The following RAB1A variants were observed in gnomAD, a reference collection of about 807,000 sequenced individuals.
RAB1A encodes the protein RAB1A, member RAS oncogene family.
Under a neutral mutation model 26.0 loss-of-function variants are expected in RAB1A, and 2 were observed. The observed-to-expected ratio is 0.08, with a 90% CI of 0.03 to 0.24. The LOEUF (loss-of-function observed/expected upper bound fraction) is 0.24. RAB1A is among the 10% of genes least tolerant of loss of function. The pLI is 1.00. For missense variants in RAB1A, 100 were observed against 247.0 expected, an observed-to-expected ratio of 0.40 and a Z score of 3.99; for synonymous variants, 84 against 84.9, an observed-to-expected ratio of 0.99 and a Z score of 0.06.
chr2:65,120,067 T>C (rs1172263051), intron 1 of RAB1A, among the ~76,000 whole-genome samples: 3 of 152,008 alleles, frequency 2.0e-5, no homozygotes, highest in Non-Finnish European at 2.9e-5. Flanking sequence ...TTTCACAAAA[T>C]TGTTTCAAAT....
chr2:65,109,176 T>A (rs934103791), intron 1 of RAB1A, among the ~76,000 whole-genome samples: 2 of 152,204 alleles, frequency 1.3e-5, no homozygotes, highest in African/African-American at 2.4e-5. Context: ...AAAACGTTTT[T>A]ATAATTTACA....
At position 65,104,782 on chromosome 2, in the gene RAB1A, C is replaced by A. The variant is rs768150074; in HGVS notation, c.48G>T (p.Leu16=). ...PEYDYLFKLL[L]IGDSGVGKSC... ...ACTTTCCAACCCCTGAGTCGCCAAT[C>A]AGAAGTAACTTGAATAAATAATCAC... The change falls in exon 2 of 6, where the codon CTG becomes CTT. Residue 16 remains leucine, a synonymous_variant. Coordinates refer to ENST00000409784, the MANE Select transcript of RAB1A (RefSeq NM_004161.5). 5.0e-6 allele frequency: 8 copies of A among 1,608,316 alleles called. No homozygotes were observed. In the East Asian group the frequency reaches 1.6e-4, roughly 31 times the overall value.
chr2:65,109,929 G>A (rs1669656064), intron 1 of RAB1A, among the ~76,000 whole-genome samples: 1 of 152,068 alleles, frequency 6.6e-6, no homozygotes, highest in Non-Finnish European at 1.5e-5. Flanking sequence ...CTGTGGGTGT[G>A]GAAGGTAAGC....
At chr2:65,122,154 TCAAAAAAAAAAAAAAAAAAA>T (rs1669977635) in intron 1 of RAB1A, among the ~76,000 whole-genome samples, 2 of 115,782 alleles carry the variant, frequency 1.7e-5, no homozygotes, top group Admixed American at 9.0e-5. Context: ...AGACTCTATC[TCAAAAAAAAAAAAAAAAAAA>T]AAAAAAAAAA....
intron 1 of RAB1A, among the ~76,000 whole-genome samples, chr2:65,121,075 G>A (rs749297343): frequency 4.6e-5 from 7 of 151,758 alleles, no homozygotes; most frequent in East Asian, 1.9e-4. Flanking sequence ...AGGCAACATA[G>A]CGACATCTCA....
At chr2:65,096,084 C>G (rs372725018) in intron 3 of RAB1A, among the ~76,000 whole-genome samples, 1 of 151,838 alleles carries the variant, frequency 6.6e-6, no homozygotes, top group Admixed American at 6.6e-5. Context: ...ACCTGGGAGG[C>G]GGAGGCTGCA....
At chr2:65,096,541 T>C (rs1669290340) in intron 3 of RAB1A, among the ~76,000 whole-genome samples, 1 of 152,230 alleles carries the variant, frequency 6.6e-6, no homozygotes, top group Non-Finnish European at 1.5e-5. Flanking sequence ...ATACCAGTGC[T>C]TTAAAGTACA....
intron 1 of RAB1A, among the ~76,000 whole-genome samples, chr2:65,115,173 G>C (rs1669796739): frequency 6.6e-6 from 1 of 152,186 alleles, no homozygotes; most frequent in Non-Finnish European, 1.5e-5. Flanking sequence ...GTGCTATTCT[G>C]TTATAGCAGC....
intron 1 of RAB1A, among the ~76,000 whole-genome samples, chr2:65,121,781 A>T (rs1193259145): frequency 6.6e-6 from 1 of 151,678 alleles, no homozygotes; most frequent in Non-Finnish European, 1.5e-5. Context: ...CTCTCCCTCT[A>T]AAGCGGGGGC....
At chr2:65,125,976 A>G (rs1361346855) in intron 1 of RAB1A, among the ~76,000 whole-genome samples, 1 of 144,226 alleles carries the variant, frequency 6.9e-6, no homozygotes, top group Admixed American at 7.4e-5. Context: ...GGTTCAAGAG[A>G]TTGTCCTGCC....
At chr2:65,103,467 C>T (rs527686628) in intron 2 of RAB1A, among the ~76,000 whole-genome samples, 90 of 152,204 alleles carry the variant, frequency 5.9e-4, no homozygotes, top group African/African-American at 2.0e-3. Context: ...TGTGAGGGCA[C>T]AGAGGTAAAG....
chr2:65,114,241 G>A (rs1021606350), intron 1 of RAB1A: 1 of 324,994 alleles, frequency 3.1e-6, no homozygotes, highest in East Asian at 7.6e-5. Context: ...AAAGCTGATT[G>A]ACATTAACCC....
rs1201745425 is a variant in RAB1A at position 65,103,299 on chromosome 2, C to CAAAAAAAAAAAAAAAAAAAAAAAAAA, written c.96+1434_96+1435insTTTTTTTTTTTTTTTTTTTTTTTTTT. ...TTGGCAACACAGCCAGAATCTGTCTCAAAAAAAAAAAAAAACATTGTTTTA... is the reference window on the plus strand; with the variant it reads ...TTGGCAACACAGCCAGAATCTGTCTCAAAAAAAAAAAAAAAAAAAAAAAAAAAAAAAAAAAAAAAAACATTGTTTTA... On this transcript the variant is annotated intron_variant, in intron 2 of 5. Transcript: ENST00000409784. 2.2e-3 allele frequency among the ~76,000 whole-genome samples: 96 copies of CAAAAAAAAAAAAAAAAAAAAAAAAAA among 44,086 alleles called. 3 individuals carry two copies. The highest frequency in any genetic ancestry group is 5.7e-3 in the South Asian group (6 of 1,058). 28.9% of individuals were successfully genotyped at this position (44,086 alleles called of 152,430 possible).
At chr2:65,100,841 T>C (rs111323765) in intron 2 of RAB1A, among the ~76,000 whole-genome samples, 1 of 150,300 alleles carries the variant, frequency 6.7e-6, no homozygotes, top group Non-Finnish European at 1.5e-5. Flanking sequence ...CCCCAGGTAC[T>C]TGGATAGAAA....
chr2:65,106,812 C>A (rs1669572965), intron 1 of RAB1A, among the ~76,000 whole-genome samples: 1 of 151,470 alleles, frequency 6.6e-6, no homozygotes, highest in Non-Finnish European at 1.5e-5. Flanking sequence ...TTGTACTTGG[C>A]AGTTCAGCTG....
At chr2:65,089,134 C>T (rs1669107898) in intron 4 of RAB1A, 64 bp from the exon 5 acceptor site, 1 of 1,430,872 alleles carries the variant, frequency 7.0e-7, no homozygotes, top group Non-Finnish European at 9.6e-7. Context: ...TAAACAGAAA[C>T]ATCGTTCCTG....
At chr2:65,122,974 CAAAA>C (rs751246247) in intron 1 of RAB1A, among the ~76,000 whole-genome samples, 1 of 34,616 alleles carries the variant, frequency 2.9e-5, no homozygotes, top group African/African-American at 1.3e-4. Flanking sequence ...CCGTCTCAGA[CAAAA>C]AAAAAAAAAA....
chr2:65,128,743 A>C (rs1019681518), intron 1 of RAB1A, among the ~76,000 whole-genome samples: 1 of 152,094 alleles, frequency 6.6e-6, no homozygotes, highest in African/African-American at 2.4e-5. Context: ...ACAAATACTG[A>C]TGTTCCCCCA....
At chr2:65,093,391 C>T (rs1270954957) in intron 3 of RAB1A, among the ~76,000 whole-genome samples, 1 of 152,076 alleles carries the variant, frequency 6.6e-6, no homozygotes, top group Non-Finnish European at 1.5e-5. Flanking sequence ...AAGAGGCCTT[C>T]CATGGTGTAC....
Sources: gnomAD v4.1 joint callset for allele counts (sites outside exome capture counted in the v4.1 genomes callset) on GRCh38, gnomAD v4.1.1 for gene constraint, MANE v1.5 for transcripts, NCBI Gene and HGNC (gene_info 2026-07-23, HGNC 2026-07-21) for gene names.